The following EIF2D variants were observed in gnomAD, a reference collection of about 807,000 sequenced individuals.
EIF2D encodes hepatocellular carcinoma-associated antigen 56.
Under a neutral mutation model 77.4 loss-of-function variants are expected in EIF2D, and 56 were observed. That is an observed-to-expected ratio of 0.72 (90% CI 0.58 to 0.90). The LOEUF is 0.90. Among genes scored for constraint, EIF2D ranks in the 40% least tolerant of loss-of-function variants. EIF2D has a pLI of 0.00. For missense variants in EIF2D, 574 were observed against 706.5 expected (o/e 0.81, Z 2.13); for synonymous variants, 230 against 271.0 (o/e 0.85, Z 1.49).
chr1:206,607,200 TAAAAA>T (rs1417653251), intron 4 of EIF2D, among the ~76,000 whole-genome samples: 2 of 151,488 alleles, frequency 1.3e-5, no homozygotes, highest in African/African-American at 4.9e-5. Flanking sequence ...CGCATAAAAA[TAAAAA>T]AGAAAAATTA....
rs559201914 is a variant in EIF2D, at chr1:206,577,558, T to C, written c.*254+3134A>G. Among the ~76,000 whole-genome samples the C allele has an allele frequency of 1.6e-4, 25 of 152,326 alleles. No individual in the cohort carries two copies. The South Asian group carries it at 4.1e-3, about 25-fold the overall frequency. On this transcript the variant is annotated intron_variant and NMD_transcript_variant, in intron 4 of 5. Transcript: ENST00000472709. Reference sequence around the variant, plus strand: ...TCTGACTTTCTCAAGATCATGTAGTTAGTCATGGGAGTCAGAAGCCCAACA... The same window carrying C: ...TCTGACTTTCTCAAGATCATGTAGTCAGTCATGGGAGTCAGAAGCCCAACA...
At chr1:206,600,195 T>C (rs377532611) in intron 8 of EIF2D, 68 bp downstream of exon 8, 1 of 1,483,936 alleles carries the variant, frequency 6.7e-7, no homozygotes. Flanking sequence ...CCAGCATCCA[T>C]CTGGCTTATG....
chr1:206,585,488 G>T (rs1281794772), intron 2 of EIF2D: 2 of 528,214 alleles, frequency 3.8e-6, no homozygotes, highest in South Asian at 5.0e-5. Flanking sequence ...ACACCCTGGG[G>T]TAGCACATTA....
chr1:206,596,422 C>T (rs879962054), intron 12 of EIF2D, among the ~76,000 whole-genome samples: 5 of 152,246 alleles, frequency 3.3e-5, no homozygotes, highest in Admixed American at 6.5e-5. Flanking sequence ...ATAAAACCAG[C>T]GCACAGACAA....
chr1:206,597,015 G>C (rs781925699), intron 12 of EIF2D, 85 bp downstream of exon 12: 88 of 1,009,552 alleles, frequency 8.7e-5, no homozygotes, highest in Non-Finnish European at 1.3e-4. Flanking sequence ...CAAAGGCTAA[G>C]ATAGTGACAG....
downstream of EIF2D, among the ~76,000 whole-genome samples, chr1:206,570,770 G>T (rs1319040125): frequency 6.6e-6 from 1 of 152,032 alleles, no homozygotes; most frequent in Non-Finnish European, 1.5e-5. Flanking sequence ...CCATTGTATG[G>T]ACACAACACA....
chr1:206,594,032 C>T, intron 13 of EIF2D: 1 of 343,554 alleles, frequency 2.9e-6, no homozygotes. Flanking sequence ...CTGTATCACA[C>T]AGAATGTCTA....
intron 4 of EIF2D, among the ~76,000 whole-genome samples, chr1:206,606,697 T>C (rs2102301674): frequency 6.6e-6 from 1 of 152,318 alleles, no homozygotes; most frequent in African/African-American, 2.4e-5. Context: ...CTTTGAACAC[T>C]GACCCCTCCC....
At position 206,599,060 on chromosome 1, in the gene EIF2D, C is replaced by T. The variant is rs543704357; in HGVS notation, c.1235G>A (p.Arg412Gln). The change falls in exon 11 of 15, where the codon CGA (arginine) becomes CAA (glutamine). Residue 412 changes from arginine to glutamine, a missense_variant. Physicochemically the swap from Arg to Gln is conservative, Grantham distance 43 (BLOSUM62 1). Transcript: ENST00000271764. The surrounding 1 kb of genome is among the most constrained non-coding windows in gnomAD (Gnocchi z 4.1). The part of the protein sequence containing the change: ...KGSFLEGSEV[R>Q]TIVINYAKKN... ...CTTGGCGTAGTTAATGACGATCGTT[C>T]GGACCTCACTGCCCTCCAGAAAGCT... 9.9e-6 allele frequency: 16 copies of T among 1,614,120 alleles called. No individual in the cohort carries two copies. Among genetic ancestry groups the T allele is most frequent in the Admixed American group, 3.3e-5 (2 of 60,014 alleles).
chr1:206,595,752 T>A lies in EIF2D; in HGVS notation c.1475A>T (p.Asp492Val), dbSNP rs1253372600. Residue 492 changes from aspartate (D) to valine (V), a missense_variant, in exon 13 of 15, where the codon GAC becomes GTC. Asp to Val is a radical substitution (Grantham distance 152). Coordinates refer to ENST00000271764, the MANE Select transcript of EIF2D (RefSeq NM_006893.3). ...AGACGCTCTTTGTGCTAGGGTGATG[T>A]CAATTGGACAGATTCTCCCTTTCTT... ...IVKKGRICPI[D>V]ITLAQRASNK... The A allele has an allele frequency of 6.2e-7, 1 of 1,614,072 alleles. No homozygotes were observed. The highest frequency in any genetic ancestry group is 8.5e-7 in the Non-Finnish European group (1 of 1,180,020).
At chr1:206,603,294 A>G in intron 5 of EIF2D, 90 bp from the exon 6 acceptor site, 1 of 1,526,546 alleles carries the variant, frequency 6.6e-7, no homozygotes. Context: ...GGTCAGAGAC[A>G]GCAGAGAGCC....
At chr1:206,608,347 C>T (rs1553413142) in intron 3 of EIF2D, 21 bp from the exon 4 acceptor site, 1 of 1,598,660 alleles carries the variant, frequency 6.3e-7, no homozygotes, top group African/African-American at 1.3e-5. Context: ...CAAAAAAAAT[C>T]ACAACCTGCA....
downstream of EIF2D, among the ~76,000 whole-genome samples, chr1:206,570,488 G>A (rs1173658539): frequency 6.6e-6 from 1 of 151,982 alleles, no homozygotes; most frequent in African/African-American, 2.4e-5. Context: ...CAGAACTTTT[G>A]TTTTCCCCAA....
At position 206,612,328 on chromosome 1, in the gene EIF2D, G is replaced by A; in HGVS notation, c.15C>T (p.Ala5=). Residue 5 remains alanine (A), a synonymous_variant, in exon 1 of 15, where the codon GCC becomes GCT. Transcript: ENST00000271764. MFAK[A]FRVKSNTAIK... ...TGGCCGTGTTGGACTTGACCCGAAA[G>A]GCCTTGGCAAACATGTCTGCTGGGG... is the stretch of plus-strand genomic sequence containing the variant. 1 of 1,614,266 alleles carries A rather than the reference G, an allele frequency of 6.2e-7. No individual in the cohort carries two copies. Among genetic ancestry groups the A allele is most frequent in the Non-Finnish European group, 8.5e-7 (1 of 1,180,046 alleles).
chr1:206,612,258 T>A (rs782051992), intron 1 of EIF2D, 29 bp downstream of exon 1: 1 of 1,614,132 alleles, frequency 6.2e-7, no homozygotes, highest in Non-Finnish European at 8.5e-7. Flanking sequence ...GGTTGTTCCG[T>A]GGCAGAGCAG....
rs1553410837 is a variant in EIF2D at position 206,599,583 on chromosome 1, G to A, written c.1082C>T (p.Ser361Phe). The A allele has an allele frequency of 6.2e-7, 1 of 1,601,922 alleles. No individual in the cohort carries two copies. Among genetic ancestry groups the A allele is most frequent in the East Asian group, 2.2e-5 (1 of 44,748 alleles). The change falls in exon 10 of 15, where the codon TCC becomes TTC. Residue 361 changes from serine (S) to phenylalanine (F), a missense_variant. Physicochemically the swap from Ser to Phe is radical, Grantham distance 155 (BLOSUM62 -2). Coordinates refer to ENST00000271764, the MANE Select transcript of EIF2D (RefSeq NM_006893.3). The surrounding 1 kb of genome is among the most constrained non-coding windows in gnomAD (Gnocchi z 4.1). ...CTCCTGGATAGTCTGGGAGGTCGGG[G>A]AGGGCTCGGGTATGACGAAAGATGT... ...RITSFVIPEPSPTSQTIQEGS... is the reference protein window; with the variant it reads ...RITSFVIPEPFPTSQTIQEGS...
At chr1:206,578,493 G>C (rs1045620446) in intron 4 of EIF2D, among the ~76,000 whole-genome samples, 2 of 152,176 alleles carry the variant, frequency 1.3e-5, no homozygotes, top group African/African-American at 4.8e-5. Flanking sequence ...GGGCTGGAGT[G>C]ATCAGGAAGA....
intron 4 of EIF2D, among the ~76,000 whole-genome samples, chr1:206,607,063 A>T (rs1425152993): frequency 6.6e-6 from 1 of 152,230 alleles, no homozygotes; most frequent in Non-Finnish European, 1.5e-5. Context: ...ATTGGAGGCA[A>T]CCTCAATGTC....
intron 11 of EIF2D, among the ~76,000 whole-genome samples, 182 bp from the exon 12 acceptor site, chr1:206,597,377 A>T (rs1417036181): frequency 1.3e-5 from 2 of 152,244 alleles, no homozygotes; most frequent in Non-Finnish European, 2.9e-5. Flanking sequence ...TTTCCTAGGA[A>T]AAGCAGGAGG....
Sources: gnomAD v4.1 joint callset for allele counts (sites outside exome capture counted in the v4.1 genomes callset) on GRCh38, gnomAD v4.1.1 for gene constraint, Gnocchi (gnomAD v3.1) non-coding constraint, MANE v1.5 for transcripts, NCBI Gene and HGNC (gene_info 2026-07-23, HGNC 2026-07-21) for gene names.